The following SFXN5 variants were observed in gnomAD, a reference collection of about 807,000 sequenced individuals.
The protein encoded by SFXN5 is sideroflexin 5.
In SFXN5, 43 loss-of-function variants were observed where a neutral mutation model predicts 50.2. The ratio of observed to expected loss-of-function variants is 0.86; its 90% CI spans 0.67 to 1.11. The LOEUF is 1.11. SFXN5 is among the 50% of genes least tolerant of loss of function. The probability of loss-of-function intolerance (pLI) is 0.00; values close to 1 mark genes in which losing one functional copy is unlikely to be tolerated. For synonymous variants in SFXN5, 203 were observed against 185.8 expected (o/e 1.09, Z -0.75); for missense variants, 463 against 454.1 (o/e 1.02, Z -0.18).
intron 13 of SFXN5, among the ~76,000 whole-genome samples, chr2:72,951,116 T>G (rs59762274): frequency 1.3e-5 from 2 of 152,008 alleles, no homozygotes; most frequent in Non-Finnish European, 2.9e-5. Context: ...CACTGCCTGA[T>G]GGTCGCCCCC....
At chr2:73,071,504 C>CTAGCT in intron 1 of SFXN5, 100 bp downstream of exon 1, 1 of 1,116,638 alleles carries the variant, frequency 9.0e-7, no homozygotes, top group African/African-American at 1.6e-5. Context: ...CTCCGCTGGC[C>CTAGCT]GCGGGTGGGA....
chr2:73,050,899 T>A (rs11894413), intron 2 of SFXN5, among the ~76,000 whole-genome samples: 1 of 152,232 alleles, frequency 6.6e-6, no homozygotes, highest in African/African-American at 2.4e-5. Context: ...GTTTCGCTCT[T>A]CTTACGTTTT....
At chr2:72,968,146 C>T (rs1674671388) in intron 12 of SFXN5, among the ~76,000 whole-genome samples, 1 of 151,444 alleles carries the variant, frequency 6.6e-6, no homozygotes. Context: ...CACACACACA[C>T]ACACACACAC....
intron 1 of SFXN5, chr2:73,071,291 C>T (rs987938679): frequency 2.1e-5 from 8 of 382,722 alleles, no homozygotes; most frequent in African/African-American, 1.3e-4. Flanking sequence ...CCGCTCGAAG[C>T]CGGGCGCTCG....
chr2:73,032,217 G>A (rs17570766), intron 3 of SFXN5, among the ~76,000 whole-genome samples: 2,312 of 152,296 alleles, frequency 0.015, 37 homozygotes, highest in Admixed American at 0.033. Flanking sequence ...AGAGTTCAAC[G>A]TCTTCTCACT....
At chr2:72,982,648 C>G (rs1160569479) in intron 10 of SFXN5, among the ~76,000 whole-genome samples, 1 of 152,234 alleles carries the variant, frequency 6.6e-6, no homozygotes, top group Admixed American at 6.5e-5. Context: ...GACATCGGCA[C>G]ACACAGGTAG....
intron 10 of SFXN5, among the ~76,000 whole-genome samples, chr2:72,983,828 A>G (rs1671589926): frequency 6.6e-6 from 1 of 151,956 alleles, no homozygotes; most frequent in East Asian, 1.9e-4. Context: ...CCCTCCTCCA[A>G]GGCCCCTTGA....
At chr2:72,984,874 T>C (rs1671712471) in intron 10 of SFXN5, among the ~76,000 whole-genome samples, 1 of 152,044 alleles carries the variant, frequency 6.6e-6, no homozygotes, top group South Asian at 2.1e-4. Context: ...TCTTAGGCAG[T>C]GTGTAGCCCA....
In SFXN5 at chr2:72,943,836, G is replaced by C. The variant is rs764465722; in HGVS notation, c.*1186C>G. The C allele has an allele frequency of 6.6e-6, 1 of 152,468 alleles. No homozygotes were observed. The highest frequency in any genetic ancestry group is 1.5e-5 in the Non-Finnish European group (1 of 68,080). The allele number at this position is 152,468 out of a possible 1,614,324, so 9.4% of individuals were successfully genotyped here. The stretch of plus-strand genomic sequence containing the variant: ...GCATCTGAGCAGGACAAGCAAAGAC[G>C]AGGTCTTGCTGGAGGAGCCAGTGGG... On this transcript the variant is annotated 3_prime_UTR_variant, in exon 14 of 14. Coordinates refer to ENST00000272433, the MANE Select transcript of SFXN5 (RefSeq NM_144579.3).
chr2:73,018,566 A>G (rs1356443377), intron 6 of SFXN5, among the ~76,000 whole-genome samples: 1 of 152,250 alleles, frequency 6.6e-6, no homozygotes, highest in Admixed American at 6.5e-5. Context: ...ACTAATTAAC[A>G]TAGAAGGAAT....
chr2:73,063,308 T>A (rs558084125), intron 1 of SFXN5, among the ~76,000 whole-genome samples: 1 of 152,184 alleles, frequency 6.6e-6, no homozygotes, highest in Non-Finnish European at 1.5e-5. Flanking sequence ...AAACCTATAG[T>A]CTGACCAAGT....
chr2:72,997,294 C>T (rs1673360544), intron 9 of SFXN5: 1 of 152,048 alleles, frequency 6.6e-6, no homozygotes, highest in African/African-American at 2.4e-5. Flanking sequence ...TAAATTGTGG[C>T]GTATGGTACA....
chr2:72,968,308 G>A (rs1388670452), intron 12 of SFXN5, 140 bp downstream of exon 12: 2 of 710,036 alleles, frequency 2.8e-6, no homozygotes, highest in East Asian at 5.5e-5. Context: ...CCAAGATGGA[G>A]CAAGACACCT....
Position 73,071,614 on chromosome 2 carries a change from C to T in SFXN5, c.92G>A (p.Arg31His), listed in dbSNP as rs775726224. The T allele has an allele frequency of 9.3e-6, 15 of 1,613,600 alleles. No homozygotes were observed. The highest frequency in any genetic ancestry group is 4.0e-5 in the African/African-American group (3 of 74,934). The stretch of plus-strand genomic sequence containing the variant: ...CAGCCCGGTCCTCACCTGCTGGAAG[C>T]GGGGTTTGCCCAGTTGGAAAGGAGG... ...DAPPFQLGKP[R>H]FQQTSFYGRF... Residue 31 changes from arginine to histidine, a missense_variant, in exon 1 of 14, where the codon CGC becomes CAC. By Grantham distance (29) the Arg-to-His change is conservative. Coordinates refer to ENST00000272433, the MANE Select transcript of SFXN5 (RefSeq NM_144579.3).
chr2:73,066,435 G>A (rs543810737), intron 1 of SFXN5, among the ~76,000 whole-genome samples: 59 of 152,132 alleles, frequency 3.9e-4, no homozygotes, highest in African/African-American at 8.4e-4. Context: ...GCATGCGCCC[G>A]TAATCCCAGC....
At chr2:72,965,896 C>T (rs370773688) in intron 12 of SFXN5, among the ~76,000 whole-genome samples, 6 of 152,184 alleles carry the variant, frequency 3.9e-5, no homozygotes, top group African/African-American at 9.7e-5. Flanking sequence ...CCCCGCCCCC[C>T]GCCTTCTTGT....
At chr2:72,947,057 G>C (rs139195818) in intron 13 of SFXN5, among the ~76,000 whole-genome samples, 3 of 152,040 alleles carry the variant, frequency 2.0e-5, no homozygotes, top group Non-Finnish European at 4.4e-5. Flanking sequence ...ATCATCTTTC[G>C]TGTCTCAGCT....
At chr2:72,998,845 A>G in intron 9 of SFXN5, 104 bp downstream of exon 9, 1 of 1,312,080 alleles carries the variant, frequency 7.6e-7, no homozygotes, top group Non-Finnish European at 1.1e-6. Context: ...CTGTCTCCCA[A>G]ATCCTTGCCT....
At position 73,000,845 on chromosome 2, in the gene SFXN5, C is replaced by A. The variant is rs140297599; in HGVS notation, c.412-358G>T. On this transcript the variant is annotated intron_variant, in intron 7 of 13. Coordinates refer to ENST00000272433, the MANE Select transcript of SFXN5 (RefSeq NM_144579.3). ...CATCTTTATTATATTACCTGCTGGA[C>A]AAAAGTTGGCCTAGAATGACTGACA... Among the ~76,000 whole-genome samples the A allele has an allele frequency of 1.6e-3, 244 of 152,286 alleles. 3 individuals are homozygous for A. The highest frequency in any genetic ancestry group is 5.7e-3 in the African/African-American group (238 of 41,554).
Sources: gnomAD v4.1 joint callset for allele counts (sites outside exome capture counted in the v4.1 genomes callset) on GRCh38, gnomAD v4.1.1 for gene constraint, MANE v1.5 for transcripts, NCBI Gene and HGNC (gene_info 2026-07-23, HGNC 2026-07-21) for gene names.